TRPM6: variants seen among roughly 807,000 people sequenced by gnomAD.
TRPM6 encodes the protein channel kinase 2.
TRPM6 carries 111 observed loss-of-function variants against 247.6 expected under a neutral mutation model. The observed-to-expected ratio is 0.45, with a 90% CI of 0.38 to 0.52. TRPM6 has a LOEUF of 0.52. Among genes scored for constraint, TRPM6 ranks in the 20% least tolerant of loss-of-function variants. TRPM6 has a pLI of 0.00. For synonymous variants in TRPM6, 892 were observed against 853.8 expected (o/e 1.04, Z -0.78); for missense variants, 2,126 against 2,421.5 (o/e 0.88, Z 2.56).
chr9:74,788,585 A>C, intron 20 of TRPM6, 29 bp downstream of exon 20: 1 of 1,613,356 alleles, frequency 6.2e-7, no homozygotes, highest in Non-Finnish European at 8.5e-7. Flanking sequence ...GGACATATGC[A>C]GAAGATAAAG....
chr9:74,859,558 A>G (rs1428171832), intron 1 of TRPM6, among the ~76,000 whole-genome samples: 3 of 152,220 alleles, frequency 2.0e-5, no homozygotes, highest in Non-Finnish European at 4.4e-5. Flanking sequence ...GGACCACTTG[A>G]AGTCAGGAGT....
chr9:74,868,613 G>A (rs147913195), intron 1 of TRPM6, among the ~76,000 whole-genome samples: 6 of 152,286 alleles, frequency 3.9e-5, no homozygotes, highest in Admixed American at 1.3e-4. Context: ...TGTTACAATC[G>A]TAGGCAACAG....
intron 7 of TRPM6, among the ~76,000 whole-genome samples, chr9:74,824,883 C>CT (rs1210811068): frequency 0.017 from 2,489 of 146,024 alleles, 23 homozygotes; most frequent in African/African-American, 0.03. Context: ...TAATGTGAGT[C>CT]TTTTTTTTTT....
In TRPM6 at chr9:74,724,581, G is replaced by A. The variant is rs1458443418; in HGVS notation, c.*32C>T. ...TATCACAGAGTTCCTGGCAGGCAGG[G>A]CAAGCACTGGGATCTTCTTGCTCCT... is the stretch of plus-strand genomic sequence containing the variant. On this transcript the variant is annotated 3_prime_UTR_variant, in exon 39 of 39. Coordinates refer to ENST00000360774, the MANE Select transcript of TRPM6 (RefSeq NM_017662.5). 1.2e-6 allele frequency: 2 copies of A among 1,613,914 alleles called. No individual in the cohort carries two copies. Among genetic ancestry groups the A allele is most frequent in the South Asian group, 2.2e-5 (2 of 91,062 alleles).
intron 15 of TRPM6, 91 bp from the exon 16 acceptor site, chr9:74,802,266 T>C (rs1828369147): frequency 8.8e-7 from 1 of 1,140,976 alleles, no homozygotes; most frequent in Admixed American, 2.1e-5. Context: ...TAGAGATTTT[T>C]TTTAATCACT....
chr9:74,728,537 C>T (rs1008275101), intron 37 of TRPM6, among the ~76,000 whole-genome samples, 192 bp from the exon 38 acceptor site: 2 of 152,186 alleles, frequency 1.3e-5, no homozygotes, highest in African/African-American at 4.8e-5. Flanking sequence ...TAAATCTTTG[C>T]TCCCAACTCC....
intron 5 of TRPM6, among the ~76,000 whole-genome samples, chr9:74,835,754 G>T (rs1587559686): frequency 6.6e-6 from 1 of 152,112 alleles, no homozygotes; most frequent in Non-Finnish European, 1.5e-5. Flanking sequence ...GTAGAGATTG[G>T]ATTCCAATTT....
In TRPM6 at chr9:74,724,509, C is replaced by G. The variant is rs1825250350; in HGVS notation, c.*104G>C. ...GAGATGTGAGGCTCAGAAGGCGTGT[C>G]CCAAGGAGACGCTGATGTAATCAAC... On this transcript the variant is annotated 3_prime_UTR_variant, in exon 39 of 39. Coordinates refer to ENST00000360774, the MANE Select transcript of TRPM6 (RefSeq NM_017662.5). 6.4e-7 allele frequency: 1 copy of G among 1,551,242 alleles called. No individual in the cohort carries two copies. The highest frequency in any genetic ancestry group is 1.4e-5 in the African/African-American group (1 of 73,556).
At chr9:74,845,095 G>A (rs186551527) in intron 3 of TRPM6, among the ~76,000 whole-genome samples, 25 of 152,220 alleles carry the variant, frequency 1.6e-4, no homozygotes, top group Admixed American at 6.5e-4. Context: ...AAAGATCGCC[G>A]ATTAAAGATT....
At chr9:74,851,639 C>G (rs1218382386) in intron 3 of TRPM6, among the ~76,000 whole-genome samples, 1 of 151,468 alleles carries the variant, frequency 6.6e-6, no homozygotes, top group East Asian at 1.9e-4. Context: ...ATCCCAGCTA[C>G]TCGGGAGGCT....
rs115547423 is a variant in TRPM6, at chr9:74,810,178, G to T, written c.1497+637C>A. On this transcript the variant is annotated intron_variant, in intron 13 of 38. Coordinates refer to ENST00000360774, the MANE Select transcript of TRPM6 (RefSeq NM_017662.5). ...AAAGTACTCCCAATTTTCAGGGGAT[G>T]TGGATAAAAGTCACTGGTAATGGAA... is the stretch of plus-strand genomic sequence containing the variant. Among the ~76,000 whole-genome samples, 1,403 of 152,252 alleles carry T rather than the reference G, an allele frequency of 9.2e-3. 25 individuals are homozygous for T. The highest frequency in any genetic ancestry group is 0.032 in the African/African-American group (1,345 of 41,522).
intron 25 of TRPM6, among the ~76,000 whole-genome samples, chr9:74,769,960 C>T (rs990883928): frequency 6.6e-6 from 1 of 152,090 alleles, no homozygotes; most frequent in Non-Finnish European, 1.5e-5. Context: ...ACTCAATGAG[C>T]ATAGCTATAA....
At chr9:74,767,302 C>A (rs890974827) in intron 25 of TRPM6, among the ~76,000 whole-genome samples, 4 of 152,128 alleles carry the variant, frequency 2.6e-5, no homozygotes, top group Non-Finnish European at 4.4e-5. Flanking sequence ...AAGCATCTTA[C>A]TCCACAGAAC....
chr9:74,749,014 T>C (rs147435839), intron 30 of TRPM6, among the ~76,000 whole-genome samples: 27 of 152,292 alleles, frequency 1.8e-4, no homozygotes, highest in African/African-American at 6.3e-4. Flanking sequence ...TACTGTACTT[T>C]TTTTGTGTTT....
chr9:74,812,271 A>C (rs1405450630), intron 12 of TRPM6, 28 bp downstream of exon 12: 1 of 1,612,834 alleles, frequency 6.2e-7, no homozygotes, highest in Non-Finnish European at 8.5e-7. Context: ...TCTGGAGGGA[A>C]ATGATTGATG....
At chr9:74,812,159 G>T (rs111272929) in intron 12 of TRPM6, 140 bp downstream of exon 12, 1 of 1,083,420 alleles carries the variant, frequency 9.2e-7, no homozygotes, top group Non-Finnish European at 1.4e-6. Flanking sequence ...CCTGGAACTA[G>T]ATCCAGCTTC....
chr9:74,832,181 A>G (rs1475723647), intron 6 of TRPM6, among the ~76,000 whole-genome samples: 1 of 152,220 alleles, frequency 6.6e-6, no homozygotes. Context: ...CCACTACAAA[A>G]GATTAAATCT....
At chr9:74,812,968 G>A (rs1587534407) in intron 11 of TRPM6, among the ~76,000 whole-genome samples, 1 of 152,324 alleles carries the variant, frequency 6.6e-6, no homozygotes, top group Non-Finnish European at 1.5e-5. Flanking sequence ...ATAAATCAAA[G>A]AACATCCCAT....
At chr9:74,831,260 A>C (rs1829537112) in intron 6 of TRPM6, among the ~76,000 whole-genome samples, 1 of 152,026 alleles carries the variant, frequency 6.6e-6, no homozygotes, top group Non-Finnish European at 1.5e-5. Flanking sequence ...GGGAGGCCGA[A>C]GTGGGTGGAT....
Sources: gnomAD v4.1 joint callset for allele counts (sites outside exome capture counted in the v4.1 genomes callset) on GRCh38, gnomAD v4.1.1 for gene constraint, MANE v1.5 for transcripts, NCBI Gene and HGNC (gene_info 2026-07-23, HGNC 2026-07-21) for gene names.